Variants in YAP1 observed in about 807,000 individuals in gnomAD.
YAP1 encodes Yes1 associated transcriptional regulator.
In YAP1, 5 loss-of-function variants were observed where a neutral mutation model predicts 56.9. The ratio of observed to expected loss-of-function variants is 0.09; its 90% CI spans 0.05 to 0.18. The LOEUF is 0.18. Ranked by LOEUF, YAP1 falls within the 10% of genes least tolerant of loss-of-function variation. The pLI, the probability that YAP1 is intolerant of heterozygous loss-of-function variation, is 1.00. For missense variants in YAP1, 539 were observed against 651.8 expected, an observed-to-expected ratio of 0.83 and a Z score of 1.88; for synonymous variants, 265 against 248.1, an observed-to-expected ratio of 1.07 and a Z score of -0.64.
At chr11:102,143,140 TG>T (rs1325334587) in intron 2 of YAP1, among the ~76,000 whole-genome samples, 1 of 152,216 alleles carries the variant, frequency 6.6e-6, no homozygotes, top group Non-Finnish European at 1.5e-5. Flanking sequence ...AGGTTTTTTT[TG>T]TTTTTTTGTT....
At chr11:102,214,122 A>G (rs768060129) in intron 6 of YAP1, among the ~76,000 whole-genome samples, 19 of 152,138 alleles carry the variant, frequency 1.2e-4, no homozygotes, top group Non-Finnish European at 2.2e-4. Context: ...AGAAATAAAA[A>G]CAACACTGCT....
chr11:102,113,539 T>G (rs146928917), intron 1 of YAP1, among the ~76,000 whole-genome samples: 1 of 152,314 alleles, frequency 6.6e-6, no homozygotes, highest in Non-Finnish European at 1.5e-5. Context: ...AGTTGGGTTT[T>G]TTTCATCCTG....
chr11:102,111,928 G>C (rs888527713), intron 1 of YAP1, among the ~76,000 whole-genome samples: 1 of 151,628 alleles, frequency 6.6e-6, no homozygotes, highest in Non-Finnish European at 1.5e-5. Context: ...CCTGGAAGTT[G>C]TTTATGGAGT....
chr11:102,153,882 AACCTGTGAACCC>A (rs1462890802), intron 2 of YAP1, among the ~76,000 whole-genome samples: 1 of 152,132 alleles, frequency 6.6e-6, no homozygotes, highest in African/African-American at 2.4e-5. Context: ...AAGACCTAGA[AACCTGTGAACCC>A]ACCTTCTGTG....
At chr11:102,183,702 C>CTCTG (rs1555011930) in intron 3 of YAP1, among the ~76,000 whole-genome samples, 4 of 141,714 alleles carry the variant, frequency 2.8e-5, no homozygotes, top group Admixed American at 2.1e-4. Context: ...AATGCTGTTT[C>CTCTG]TGTGTGTGTG....
rs1222397690 is a variant in YAP1, at chr11:102,231,222, A to T, written c.*1282A>T. Reference sequence around the variant, plus strand: ...TTTAAGTCTCGATTGGAATTCAGTGAGTAGGTTCATAATGTGCATGACAGA... The same window carrying T: ...TTTAAGTCTCGATTGGAATTCAGTGTGTAGGTTCATAATGTGCATGACAGA... On this transcript the variant is annotated 3_prime_UTR_variant, in exon 9 of 9. Coordinates refer to ENST00000282441, the MANE Select transcript of YAP1 (RefSeq NM_001130145.3). The T allele has an allele frequency of 6.6e-6, 1 of 152,228 alleles. No homozygotes were observed. The highest frequency in any genetic ancestry group is 1.5e-5 in the Non-Finnish European group (1 of 68,046). 9.4% of individuals were successfully genotyped at this position (152,228 alleles called of 1,614,324 possible).
At chr11:102,139,592 C>T (rs541458885) in intron 2 of YAP1, among the ~76,000 whole-genome samples, 3 of 152,220 alleles carry the variant, frequency 2.0e-5, no homozygotes, top group East Asian at 1.9e-4. Context: ...TTTGGGTGTT[C>T]GGGAGATTGT....
At chr11:102,161,220 C>G (rs1291988812) in intron 2 of YAP1, among the ~76,000 whole-genome samples, 1 of 151,454 alleles carries the variant, frequency 6.6e-6, no homozygotes, top group East Asian at 1.9e-4. Context: ...CGCCACCACG[C>G]CTGGCTAATT....
chr11:102,199,018 A>G (rs1948711058), intron 4 of YAP1, among the ~76,000 whole-genome samples: 1 of 152,160 alleles, frequency 6.6e-6, no homozygotes, highest in Non-Finnish European at 1.5e-5. Context: ...ATGTATGTGT[A>G]TGTCTATGTG....
intron 3 of YAP1, among the ~76,000 whole-genome samples, chr11:102,184,372 T>C (rs1308674141): frequency 1.3e-5 from 2 of 152,198 alleles, no homozygotes; most frequent in Non-Finnish European, 2.9e-5. Context: ...AAAGGTTTGA[T>C]ATACATGTGA....
At position 102,197,273 on chromosome 11, in the gene YAP1, G is replaced by A. The variant is rs374994188; in HGVS notation, c.803-8620G>A. Among the ~76,000 whole-genome samples the A allele has an allele frequency of 1.4e-4, 22 of 152,292 alleles. No homozygotes were observed. In the East Asian group the frequency reaches 2.5e-3, roughly 17 times the overall value. On this transcript the variant is annotated intron_variant, in intron 4 of 8. Transcript: ENST00000282441. ...AGATTTGAAAAAATACTAGACAAAA[G>A]CTTTTGTTGTGGGAGATTTGATGTA...
chr11:102,118,991 A>T (rs1311602541), intron 2 of YAP1, among the ~76,000 whole-genome samples: 1 of 152,020 alleles, frequency 6.6e-6, no homozygotes, highest in Non-Finnish European at 1.5e-5. Context: ...TAAGTTGCAC[A>T]CGTGCACATG....
At chr11:102,172,204 A>AAG (rs1448609906) in intron 3 of YAP1, among the ~76,000 whole-genome samples, 2 of 151,348 alleles carry the variant, frequency 1.3e-5, no homozygotes, top group South Asian at 2.1e-4. Flanking sequence ...AAAAAAAAAT[A>AAG]AAAGAAAAAG....
At chr11:102,199,646 CAAA>C (rs1948749899) in intron 4 of YAP1, among the ~76,000 whole-genome samples, 1 of 151,994 alleles carries the variant, frequency 6.6e-6, no homozygotes, top group Admixed American at 6.6e-5. Flanking sequence ...ACAAGATAAC[CAAA>C]AAGACACAAC....
At chr11:102,198,510 C>T (rs1565258902) in intron 4 of YAP1, among the ~76,000 whole-genome samples, 1 of 152,112 alleles carries the variant, frequency 6.6e-6, no homozygotes, top group Non-Finnish European at 1.5e-5. Context: ...CCAAATGTTT[C>T]TTAATAGATG....
intron 3 of YAP1, among the ~76,000 whole-genome samples, chr11:102,170,529 G>T (rs2135434029): frequency 6.6e-6 from 1 of 152,194 alleles, no homozygotes; most frequent in African/African-American, 2.4e-5. Flanking sequence ...TTCTAAAAAG[G>T]GGGAAACATA....
chr11:102,180,863 T>G (rs1328480924), intron 3 of YAP1, among the ~76,000 whole-genome samples: 1 of 151,988 alleles, frequency 6.6e-6, no homozygotes, highest in Non-Finnish European at 1.5e-5. Context: ...GTAGTAATTC[T>G]CGGTCGGGCA....
chr11:102,194,108 T>C (rs2135544763), intron 4 of YAP1, among the ~76,000 whole-genome samples: 1 of 152,352 alleles, frequency 6.6e-6, no homozygotes, highest in South Asian at 2.1e-4. Context: ...CCAAGCCTTT[T>C]ACATAGTTTT....
At chr11:102,180,547 T>C (rs12803694) in intron 3 of YAP1, among the ~76,000 whole-genome samples, 1 of 151,280 alleles carries the variant, frequency 6.6e-6, no homozygotes, top group South Asian at 2.1e-4. Flanking sequence ...CCAGGCATGG[T>C]GGCGGGCGCC....
Sources: allele counts gnomAD v4.1 joint callset (sites outside exome capture counted in the v4.1 genomes callset), GRCh38; gene constraint gnomAD v4.1.1; transcripts MANE v1.5; gene names NCBI Gene and HGNC (gene_info 2026-07-23, HGNC 2026-07-21).